DPYSL2: variants seen among roughly 807,000 people sequenced by gnomAD.
The protein encoded by DPYSL2 is dihydropyrimidinase-related protein 2.
A neutral mutation model predicts 69.9 loss-of-function variants in DPYSL2; 13 were observed. The observed-to-expected ratio is 0.19, with a 90% CI of 0.12 to 0.30. The LOEUF (loss-of-function observed/expected upper bound fraction) is 0.30. DPYSL2 is among the 10% of genes least tolerant of loss of function. The pLI, the probability that DPYSL2 is intolerant of heterozygous loss-of-function variation, is 1.00. For missense variants in DPYSL2, 587 were observed against 918.9 expected, an observed-to-expected ratio of 0.64 and a Z score of 4.67; for synonymous variants, 326 against 359.1, an observed-to-expected ratio of 0.91 and a Z score of 1.04.
At position 26,591,921 on chromosome 8, in the gene DPYSL2, G is replaced by A. The variant is rs1801737475; in HGVS notation, c.628+7938G>A. ...TGTAGCCTCCGTGTTGAGTTGTAGG[G>A]GAAAGGGTGTTTAGTAAGCAGGCAT... On this transcript the variant is annotated intron_variant, in intron 3 of 13. Coordinates refer to ENST00000521913, the MANE Select transcript of DPYSL2 (RefSeq NM_001197293.3). This position sits in a 1 kb window ranked among gnomAD's most constrained non-coding sequence, Gnocchi z 5.8. 1.3e-5 allele frequency among the ~76,000 whole-genome samples: 2 copies of A among 152,036 alleles called. No homozygotes were observed. The highest frequency in any genetic ancestry group is 4.8e-5 in the African/African-American group (2 of 41,358).
At chr8:26,625,313 A>C (rs1561818) in intron 4 of DPYSL2, among the ~76,000 whole-genome samples, 78,013 of 152,044 alleles carry the variant, frequency 0.51, 20,979 homozygotes, top group East Asian at 0.68. Context: ...AAATAGGTAA[A>C]CTTTGACTTT....
intron 1 of DPYSL2, among the ~76,000 whole-genome samples, chr8:26,521,943 G>C (rs1276622613): frequency 6.6e-6 from 1 of 152,010 alleles, no homozygotes; most frequent in Non-Finnish European, 1.5e-5. Flanking sequence ...TGGACATTTG[G>C]GTTGTTTCCA....
At chr8:26,583,709 G>A (rs377571388) in intron 2 of DPYSL2, 90 bp from the exon 3 acceptor site, 11 of 1,214,158 alleles carry the variant, frequency 9.1e-6, no homozygotes, top group Admixed American at 2.3e-5. Flanking sequence ...CAGAGCGGAG[G>A]ATAGTTTATA....
intron 1 of DPYSL2, among the ~76,000 whole-genome samples, chr8:26,537,800 C>A (rs1800619221): frequency 6.6e-6 from 1 of 152,110 alleles, no homozygotes; most frequent in Non-Finnish European, 1.5e-5. Context: ...CCCTCTAATC[C>A]CCAGATTTTG....
chr8:26,579,906 A>C (rs1282240711), intron 1 of DPYSL2, among the ~76,000 whole-genome samples: 20 of 148,700 alleles, frequency 1.3e-4, no homozygotes, highest in Non-Finnish European at 1.9e-4. Flanking sequence ...AAAAATTAAA[A>C]GCAAACGATC....
intron 7 of DPYSL2, among the ~76,000 whole-genome samples, chr8:26,634,428 C>CTTTTTTTTTTTTTTTTTTTTTTTTT (rs55746168): frequency 1.1e-5 from 1 of 91,146 alleles, no homozygotes; most frequent in East Asian, 3.8e-4. Flanking sequence ...CCATGCCCAG[C>CTTTTTTTTTTTTTTTTTTTTTTTTT]TTTTTTTTTT....
chr8:26,655,044 C>T (rs911031978), intron 13 of DPYSL2, among the ~76,000 whole-genome samples: 3 of 151,530 alleles, frequency 2.0e-5, no homozygotes, highest in Admixed American at 2.0e-4. Context: ...GATAGGCTCT[C>T]ACTGTGTTGC....
intron 1 of DPYSL2, among the ~76,000 whole-genome samples, chr8:26,528,026 A>G (rs1402761330): frequency 1.3e-5 from 2 of 151,588 alleles, no homozygotes; most frequent in Non-Finnish European, 1.5e-5. Context: ...CTTGTATTGA[A>G]CTCCTGGCCT....
At position 26,624,094 on chromosome 8, in the gene DPYSL2, C is replaced by T. The variant is rs369701061; in HGVS notation, c.629-49C>T. ...AAGTGGGAAAATACCTGCTGGCCCA[C>T]GGCCCTTGAGGCTCTTGGTGATGAT... is the stretch of plus-strand genomic sequence containing the variant. On this transcript the variant is annotated intron_variant, in intron 3 of 13. Coordinates refer to ENST00000521913, the MANE Select transcript of DPYSL2 (RefSeq NM_001197293.3). This position sits in a 1 kb window ranked among gnomAD's most constrained non-coding sequence, Gnocchi z 4.7. The T allele has an allele frequency of 2.9e-5, 47 of 1,602,698 alleles. No individual in the cohort carries two copies. Among genetic ancestry groups the T allele is most frequent in the South Asian group, 2.9e-4 (26 of 89,668 alleles).
rs1168283230 is a variant in DPYSL2, at chr8:26,624,397, C to T, written c.793+90C>T. On this transcript the variant is annotated intron_variant, in intron 4 of 13. Transcript: ENST00000521913. This position sits in a 1 kb window ranked among gnomAD's most constrained non-coding sequence, Gnocchi z 4.7. ...CCTGGGAAGAAAGTGATAATGCTTC[C>T]AGATCCCATTTGTGCCTCATGCCCA... The T allele has an allele frequency of 6.7e-7, 1 of 1,499,294 alleles. No individual in the cohort carries two copies. Among genetic ancestry groups the T allele is most frequent in the Non-Finnish European group, 9.1e-7 (1 of 1,101,882 alleles). 92.9% of individuals were successfully genotyped at this position (1,499,294 alleles called of 1,614,324 possible). A position where few individuals can be genotyped will look rare whatever the true frequency, so the allele number is the denominator to read the frequency against.
In DPYSL2 at chr8:26,565,999, T is replaced by C. The variant is rs1293691818; in HGVS notation, c.355-15970T>C. ...GATGAGGGTGGGAAATGTAGTCCAG[T>C]TGTGTGTCCTAGAAGAAGAGGAGAG... On this transcript the variant is annotated intron_variant, in intron 1 of 13. Coordinates refer to ENST00000521913, the MANE Select transcript of DPYSL2 (RefSeq NM_001197293.3). This position sits in a 1 kb window ranked among gnomAD's most constrained non-coding sequence, Gnocchi z 4.1. Among the ~76,000 whole-genome samples, 1 of 152,170 alleles carries C rather than the reference T, an allele frequency of 6.6e-6. No homozygotes were observed. Among genetic ancestry groups the C allele is most frequent in the Non-Finnish European group, 1.5e-5 (1 of 68,042 alleles).
At chr8:26,543,996 A>G (rs936814133) in intron 1 of DPYSL2, among the ~76,000 whole-genome samples, 16 of 152,114 alleles carry the variant, frequency 1.1e-4, no homozygotes, top group Non-Finnish European at 1.9e-4. Flanking sequence ...TTTCCTTCCT[A>G]CTTCTGTCAA....
intron 1 of DPYSL2, among the ~76,000 whole-genome samples, chr8:26,535,057 G>T (rs775893422): frequency 2.6e-5 from 4 of 152,204 alleles, no homozygotes; most frequent in Non-Finnish European, 5.9e-5. Context: ...AATTGTCATA[G>T]ATTGGGTGGC....
chr8:26,550,394 G>C (rs1800854994), intron 1 of DPYSL2, among the ~76,000 whole-genome samples: 1 of 151,822 alleles, frequency 6.6e-6, no homozygotes, highest in Non-Finnish European at 1.5e-5. Flanking sequence ...CGAAGAACAA[G>C]GACAAAAATA....
intron 7 of DPYSL2, among the ~76,000 whole-genome samples, chr8:26,629,001 G>A (rs1316500450): frequency 6.6e-6 from 1 of 152,204 alleles, no homozygotes; most frequent in Non-Finnish European, 1.5e-5. Flanking sequence ...TGCCTCGGGT[G>A]CAGGAGGGGG....
At chr8:26,559,356 T>C (rs1801038670) in intron 1 of DPYSL2, among the ~76,000 whole-genome samples, 1 of 152,220 alleles carries the variant, frequency 6.6e-6, no homozygotes, top group African/African-American at 2.4e-5. Context: ...TTATGCACAT[T>C]AAAAATTTTA....
At chr8:26,611,108 G>T (rs1471762825) in intron 3 of DPYSL2, among the ~76,000 whole-genome samples, 4 of 152,170 alleles carry the variant, frequency 2.6e-5, no homozygotes. Flanking sequence ...TTTGCCCAGG[G>T]TCCTAGAACT....
chr8:26,527,804 CT>C (rs34631984), intron 1 of DPYSL2, among the ~76,000 whole-genome samples: 164 of 132,666 alleles, frequency 1.2e-3, no homozygotes, highest in Middle Eastern at 4.0e-3. Flanking sequence ...TTTGTTTATC[CT>C]TTTTTTTTTT....
At position 26,593,752 on chromosome 8, in the gene DPYSL2, G is replaced by A. The variant is rs984255955; in HGVS notation, c.628+9769G>A. ...GGACAGGGTGGGTGCCGGGGGCAGA[G>A]GGGAACTGGAATGTGGACTGCTGTC... On this transcript the variant is annotated intron_variant, in intron 3 of 13. Coordinates refer to ENST00000521913, the MANE Select transcript of DPYSL2 (RefSeq NM_001197293.3). This position sits in a 1 kb window ranked among gnomAD's most constrained non-coding sequence, Gnocchi z 5.7. Among the ~76,000 whole-genome samples the A allele has an allele frequency of 6.6e-6, 1 of 152,200 alleles. No homozygotes were observed. Among genetic ancestry groups the A allele is most frequent in the Non-Finnish European group, 1.5e-5 (1 of 68,028 alleles).
Sources: allele counts gnomAD v4.1 joint callset (sites outside exome capture counted in the v4.1 genomes callset), GRCh38; gene constraint gnomAD v4.1.1; non-coding constraint Gnocchi (gnomAD v3.1); transcripts MANE v1.5; gene names NCBI Gene and HGNC (gene_info 2026-07-23, HGNC 2026-07-21).